FBXW7: variants seen among roughly 807,000 people sequenced by gnomAD.
The protein encoded by FBXW7 is F-box/WD repeat-containing protein 7.
FBXW7 carries 11 observed loss-of-function variants against 86.3 expected under a neutral mutation model. The observed-to-expected ratio is 0.13, with a 90% CI of 0.08 to 0.21. The LOEUF is 0.21. Among genes scored for constraint, FBXW7 ranks in the 10% least tolerant of loss-of-function variants. FBXW7 has a pLI of 1.00. For synonymous variants in FBXW7, 313 were observed against 297.9 expected, an observed-to-expected ratio of 1.05 and a Z score of -0.52; for missense variants, 488 against 847.4, an observed-to-expected ratio of 0.58 and a Z score of 5.27.
chr4:152,470,812 A>G (rs1743884352), intron 2 of FBXW7, among the ~76,000 whole-genome samples: 1 of 152,126 alleles, frequency 6.6e-6, no homozygotes, highest in South Asian at 2.1e-4. Context: ...CTCATGCCTC[A>G]CGGAGATTAA....
intron 2 of FBXW7, among the ~76,000 whole-genome samples, chr4:152,520,272 A>G (rs1748888651): frequency 6.6e-6 from 1 of 151,520 alleles, no homozygotes; most frequent in Non-Finnish European, 1.5e-5. Flanking sequence ...TCTCTACTAA[A>G]AATACAAAAA....
At chr4:152,413,904 G>A (rs1236627689) in intron 2 of FBXW7, among the ~76,000 whole-genome samples, 1 of 152,030 alleles carries the variant, frequency 6.6e-6, no homozygotes, top group Non-Finnish European at 1.5e-5. Context: ...AACATTTCTG[G>A]TATCTAAAGT....
At chr4:152,419,494 AACACACACACACACAC>A (rs57894523) in intron 2 of FBXW7, among the ~76,000 whole-genome samples, 16 of 123,344 alleles carry the variant, frequency 1.3e-4, no homozygotes, top group African/African-American at 3.3e-4. Flanking sequence ...GGATAAGGTA[AACACACACACACACAC>A]ACACACACAC....
intron 2 of FBXW7, among the ~76,000 whole-genome samples, chr4:152,453,981 C>A (rs1742162275): frequency 6.6e-6 from 1 of 152,002 alleles, no homozygotes; most frequent in Admixed American, 6.6e-5. Context: ...TTCCAGACAT[C>A]ACGTCATTAC....
At chr4:152,456,549 C>A (rs946234364) in intron 2 of FBXW7, among the ~76,000 whole-genome samples, 9 of 151,556 alleles carry the variant, frequency 5.9e-5, no homozygotes, top group Admixed American at 4.6e-4. Context: ...ATAAATAAAT[C>A]AATAAATCAA....
At position 152,326,240 on chromosome 4, in the gene FBXW7, G is replaced by T. The variant is rs1341325204; in HGVS notation, c.1419-9C>A. ...GAGAACCGCTAACAACTCTGCAGAG[G>T]GAGAAACAGAAAAACAAAACAAAAC... On this transcript the variant is annotated splice_polypyrimidine_tract_variant and intron_variant, in intron 11 of 13. Coordinates refer to ENST00000281708, the MANE Select transcript of FBXW7 (RefSeq NM_001349798.2). 3.1e-6 allele frequency: 5 copies of T among 1,598,752 alleles called. No individual in the cohort carries two copies. In the East Asian group the frequency reaches 1.1e-4, roughly 36 times the overall value.
chr4:152,457,423 A>G (rs1742518715), intron 2 of FBXW7, among the ~76,000 whole-genome samples: 1 of 152,196 alleles, frequency 6.6e-6, no homozygotes, highest in Non-Finnish European at 1.5e-5. Flanking sequence ...CAGGCGGATC[A>G]CGAGGTCAGG....
chr4:152,351,999 C>G (rs1176863350), intron 4 of FBXW7, among the ~76,000 whole-genome samples: 3 of 151,800 alleles, frequency 2.0e-5, no homozygotes, highest in African/African-American at 7.3e-5. Flanking sequence ...GACTTCAGAA[C>G]CAAAAATTAA....
At chr4:152,440,842 C>T (rs747417260) in intron 2 of FBXW7, among the ~76,000 whole-genome samples, 2 of 152,100 alleles carry the variant, frequency 1.3e-5, no homozygotes. Flanking sequence ...CCTGACTGTT[C>T]ACACCACTTT....
intron 12 of FBXW7, chr4:152,325,737 C>A: frequency 2.7e-6 from 1 of 375,744 alleles, no homozygotes. Flanking sequence ...CATTAATTAA[C>A]ATAGCAAAAC....
intron 2 of FBXW7, among the ~76,000 whole-genome samples, chr4:152,422,049 G>A (rs1185642817): frequency 6.6e-6 from 1 of 151,912 alleles, no homozygotes; most frequent in Non-Finnish European, 1.5e-5. Context: ...CAAGAGACTT[G>A]CTCAACACAG....
chr4:152,354,876 T>C (rs964524183), intron 4 of FBXW7, among the ~76,000 whole-genome samples: 3 of 152,134 alleles, frequency 2.0e-5, no homozygotes, highest in Admixed American at 1.3e-4. Flanking sequence ...GTCTTTCTAC[T>C]ACCACATATC....
rs367983208 is a variant in FBXW7 at position 152,535,802 on chromosome 4, C to T, written c.-888G>A. ...GTAGCCGCCTCCCTGCCCCCCAAGC[C>T]GCCGGCTCCGGCTCAGGCTCGGGCT... On this transcript the variant is annotated 5_prime_UTR_variant, in exon 1 of 14. Coordinates refer to ENST00000281708, the MANE Select transcript of FBXW7 (RefSeq NM_001349798.2). 1 of 393,286 alleles carries T rather than the reference C, an allele frequency of 2.5e-6. No homozygotes were observed. The allele number at this position is 393,286 out of a possible 1,614,324, so 24.4% of individuals were successfully genotyped here. A position where few individuals can be genotyped will look rare whatever the true frequency, so the allele number is the denominator to read the frequency against.
At chr4:152,476,578 A>G (rs2149661954) in intron 2 of FBXW7, among the ~76,000 whole-genome samples, 1 of 152,324 alleles carries the variant, frequency 6.6e-6, no homozygotes, top group East Asian at 1.9e-4. Flanking sequence ...CTGTACCCAG[A>G]ATCAAGAAAG....
intron 4 of FBXW7, among the ~76,000 whole-genome samples, chr4:152,410,449 CACGTCCTTCTT>C (rs1198543525): frequency 1.3e-5 from 2 of 152,140 alleles, no homozygotes; most frequent in Non-Finnish European, 2.9e-5. Context: ...TACTTGATGT[CACGTCCTTCTT>C]AGATCATGCC....
chr4:152,431,251 G>A (rs1739864428), intron 2 of FBXW7, among the ~76,000 whole-genome samples: 2 of 152,190 alleles, frequency 1.3e-5, no homozygotes, highest in African/African-American at 4.8e-5. Context: ...CAACAGTTTA[G>A]TTACAGATCT....
At chr4:152,378,682 T>C (rs918125156) in intron 4 of FBXW7, among the ~76,000 whole-genome samples, 3 of 152,204 alleles carry the variant, frequency 2.0e-5, no homozygotes, top group Non-Finnish European at 4.4e-5. Context: ...ATGAAATTTA[T>C]GCATTAAAAG....
intron 2 of FBXW7, among the ~76,000 whole-genome samples, chr4:152,504,388 C>CA (rs1453993250): frequency 3.9e-5 from 6 of 151,944 alleles, no homozygotes; most frequent in South Asian, 2.1e-4. Context: ...GCAAAAATTA[C>CA]AAAAAAATCA....
At chr4:152,344,533 G>GT (rs11354395) in intron 6 of FBXW7, among the ~76,000 whole-genome samples, 3,403 of 142,202 alleles carry the variant, frequency 0.024, 62 homozygotes, top group African/African-American at 0.058. Flanking sequence ...ATTGAATACA[G>GT]TTTTTTTTTT....
Sources: gnomAD v4.1 joint callset for allele counts (sites outside exome capture counted in the v4.1 genomes callset) on GRCh38, gnomAD v4.1.1 for gene constraint, MANE v1.5 for transcripts, NCBI Gene and HGNC (gene_info 2026-07-23, HGNC 2026-07-21) for gene names.